The following ZNF451 variants were observed in gnomAD, a reference collection of about 807,000 sequenced individuals.
The protein encoded by ZNF451 is E3 SUMO-protein ligase ZNF451.
Under a neutral mutation model 107.1 loss-of-function variants are expected in ZNF451, and 80 were observed. That is an observed-to-expected ratio of 0.75 (90% CI 0.62 to 0.90). The LOEUF is 0.90. ZNF451 is among the 40% of genes least tolerant of loss of function. The pLI, the probability that ZNF451 is intolerant of heterozygous loss-of-function variation, is 0.00. For synonymous variants in ZNF451, 362 were observed against 406.5 expected (o/e 0.89, Z 1.32); for missense variants, 1,107 against 1,236.2 (o/e 0.90, Z 1.57).
chr6:57,148,042 C>G lies in ZNF451; in HGVS notation c.1957C>G (p.Arg653Gly). Residue 653 changes from arginine (R) to glycine (G), a missense_variant, in exon 10 of 15, where the codon CGA becomes GGA. By Grantham distance (125) the Arg-to-Gly change is moderately radical. Transcript: ENST00000370706. The part of the protein sequence containing the change: ...KPFHKIETLY[R>G]HCQDEHDNEI... ...TTTTCATAAGATAGAAACATTGTACCGACATTGCCAAGATGAGCATGACAA... is the reference window on the plus strand; with the variant it reads ...TTTTCATAAGATAGAAACATTGTACGGACATTGCCAAGATGAGCATGACAA... The G allele has an allele frequency of 1.2e-6, 2 of 1,613,990 alleles. No homozygotes were observed. Among genetic ancestry groups the G allele is most frequent in the Non-Finnish European group, 1.7e-6 (2 of 1,179,970 alleles).
At chr6:57,095,161 T>C (rs1370575397) in intron 2 of ZNF451, among the ~76,000 whole-genome samples, 2 of 152,192 alleles carry the variant, frequency 1.3e-5, no homozygotes, top group Non-Finnish European at 2.9e-5. Context: ...TTGGGGTACA[T>C]GTCTGTCCTT....
chr6:57,147,206 A>C lies in ZNF451; in HGVS notation c.1121A>C (p.Glu374Ala). ...GATTGCAATCAAGTCTTTGTGGATG[A>C]AACCAGCACCCAAAATCATAAGCAG... is the stretch of plus-strand genomic sequence containing the variant. Reference protein sequence around the residue: ...CPDCNQVFVDETSTQNHKQNS... With the variant: ...CPDCNQVFVDATSTQNHKQNS... The change falls in exon 10 of 15, where the codon GAA (glutamate) becomes GCA (alanine). Residue 374 changes from glutamate (E) to alanine (A), a missense_variant. Physicochemically the swap from Glu to Ala is moderately radical, Grantham distance 107 (BLOSUM62 -1). Coordinates refer to ENST00000370706, the MANE Select transcript of ZNF451 (RefSeq NM_001031623.3). 4.3e-6 allele frequency: 7 copies of C among 1,614,118 alleles called. No individual in the cohort carries two copies. Among genetic ancestry groups the C allele is most frequent in the Non-Finnish European group, 5.9e-6 (7 of 1,179,978 alleles).
rs139959225 is a variant in ZNF451, at chr6:57,141,630, G to T, written c.856+175G>T. Among the ~76,000 whole-genome samples the T allele has an allele frequency of 3.2e-3, 482 of 152,164 alleles. 5 individuals are homozygous for T. The highest frequency in any genetic ancestry group is 0.011 in the African/African-American group (447 of 41,516). ...AAAGATTCTTAATATTTATTTGTAC[G>T]TATGAGTAAGGCTTACTAACTTTGA... On this transcript the variant is annotated intron_variant, in intron 8 of 14. Coordinates refer to ENST00000370706, the MANE Select transcript of ZNF451 (RefSeq NM_001031623.3).
Position 57,147,572 on chromosome 6 carries a change from T to C in ZNF451, c.1487T>C (p.Met496Thr), listed in dbSNP as rs886570651. The C allele has an allele frequency of 6.2e-7, 1 of 1,614,102 alleles. No individual in the cohort carries two copies. The highest frequency in any genetic ancestry group is 8.5e-7 in the Non-Finnish European group (1 of 1,179,972). The part of the protein sequence containing the change: ...VEKHVFSANT[M>T]GYKCVVCGKV... ...AAGCATGTTTTCTCAGCAAACACAA[T>C]GGGTTATAAATGTGTGGTCTGTGGA... The change falls in exon 10 of 15, where the codon ATG becomes ACG. Residue 496 changes from methionine to threonine, a missense_variant. Physicochemically the swap from Met to Thr is moderately conservative, Grantham distance 81. Around this residue, in one of 5 missense-constraint regions of ZNF451, gnomAD observed 608 missense variants for 649.2 expected, o/e 0.94. Transcript: ENST00000370706.
In ZNF451 at chr6:57,150,734, A is replaced by C. The variant is rs1832304133; in HGVS notation, c.2624A>C (p.Glu875Ala). Residue 875 changes from glutamate to alanine, a missense_variant, in exon 11 of 15, where the codon GAG becomes GCG. Transcript: ENST00000370706. ...SYQNIEEEIV[E>A]LPDLDYLRTM... ...CTCTTCTCAGAGGAAGAAATTGTTG[A>C]GCTTCCAGATTTGGATTACCTGCGA... is the stretch of plus-strand genomic sequence containing the variant. The C allele has an allele frequency of 6.2e-7, 1 of 1,602,518 alleles. No homozygotes were observed. The highest frequency in any genetic ancestry group is 8.5e-7 in the Non-Finnish European group (1 of 1,175,976).
At chr6:57,156,961 C>T (rs1316209142) in intron 13 of ZNF451, among the ~76,000 whole-genome samples, 2 of 152,188 alleles carry the variant, frequency 1.3e-5, no homozygotes, top group Admixed American at 6.5e-5. Context: ...AATGCTGGCT[C>T]ACCTGCTGCT....
At chr6:57,158,733 G>A (rs1341087992) in intron 13 of ZNF451, 1 of 985,292 alleles carries the variant, frequency 1.0e-6, no homozygotes, top group Admixed American at 6.1e-5. Flanking sequence ...AGAATTACAT[G>A]TAATGAAAAA....
At position 57,134,831 on chromosome 6, in the gene ZNF451, T is replaced by C. The variant is rs1443154281; in HGVS notation, c.663T>C (p.Phe221=). The stretch of plus-strand genomic sequence containing the variant: ...CTTGTGTAGTATGTTATAAAAAATT[T>C]GTTACTCAACAACAATATAGAGATC... ...SFACVVCYKK[F]VTQQQYRDHL... Residue 221 remains phenylalanine, a synonymous_variant, in exon 7 of 15, where the codon TTT becomes TTC. Coordinates refer to ENST00000370706, the MANE Select transcript of ZNF451 (RefSeq NM_001031623.3). 6.2e-7 allele frequency: 1 copy of C among 1,610,990 alleles called. No individual in the cohort carries two copies. The highest frequency in any genetic ancestry group is 8.5e-7 in the Non-Finnish European group (1 of 1,178,306).
chr6:57,101,542 T>G, intron 3 of ZNF451: 1 of 1,550,954 alleles, frequency 6.4e-7, no homozygotes, highest in Non-Finnish European at 8.7e-7. Flanking sequence ...GGTCATGGGT[T>G]GTAGGTTTTA....
chr6:57,150,687 C>T (rs755303149), intron 10 of ZNF451, 32 bp from the exon 11 acceptor site: 13 of 1,558,584 alleles, frequency 8.3e-6, no homozygotes, highest in Admixed American at 6.2e-5. Flanking sequence ...CAAATTCTTA[C>T]TGAACTCATG....
chr6:57,111,689 T>TA (rs1333522295), intron 3 of ZNF451, among the ~76,000 whole-genome samples: 3 of 152,198 alleles, frequency 2.0e-5, no homozygotes, highest in Non-Finnish European at 4.4e-5. Flanking sequence ...CCGTATATTT[T>TA]AAAAATCTCT....
intron 3 of ZNF451, among the ~76,000 whole-genome samples, chr6:57,099,988 A>T (rs1414263165): frequency 6.6e-6 from 1 of 152,228 alleles, no homozygotes; most frequent in African/African-American, 2.4e-5. Context: ...TTTTTAATCA[A>T]ATAATACCTA....
intron 13 of ZNF451, chr6:57,159,413 T>G (rs991132361): frequency 2.0e-6 from 2 of 985,226 alleles, no homozygotes; most frequent in South Asian, 4.7e-5. Flanking sequence ...CTTTTGTTCT[T>G]AATGTTTAGA....
rs368703143 is a variant in ZNF451, at chr6:57,134,730, C to A, written c.576-14C>A. ...ATTTATCTAATATTACCTCTTACCT[C>A]TTTTGCTGAGTAGGTTCGATCACTC... On this transcript the variant is annotated splice_polypyrimidine_tract_variant and intron_variant, in intron 6 of 14. Coordinates refer to ENST00000370706, the MANE Select transcript of ZNF451 (RefSeq NM_001031623.3). 6.2e-5 allele frequency: 99 copies of A among 1,608,250 alleles called. No individual in the cohort carries two copies. In the African/African-American group the frequency reaches 1.2e-3, roughly 19 times the overall value.
At chr6:57,137,649 G>A (rs1345341729) in intron 7 of ZNF451, among the ~76,000 whole-genome samples, 1 of 152,086 alleles carries the variant, frequency 6.6e-6, no homozygotes, top group Non-Finnish European at 1.5e-5. Context: ...TCGATATACT[G>A]TGAGCTCCTT....
chr6:57,102,032 G>C, intron 3 of ZNF451: 1 of 1,548,814 alleles, frequency 6.5e-7, no homozygotes, highest in Non-Finnish European at 8.7e-7. Flanking sequence ...TACAAACCTC[G>C]AAACCACCCC....
At chr6:57,109,315 T>TA (rs398001705) in intron 3 of ZNF451, 13 of 983,552 alleles carry the variant, frequency 1.3e-5, no homozygotes, top group Admixed American at 1.2e-4. Context: ...TTTTTTTTTT[T>TA]AACTGGCATT....
chr6:57,095,185 A>G (rs1423774437), intron 2 of ZNF451, among the ~76,000 whole-genome samples: 1 of 151,802 alleles, frequency 6.6e-6, no homozygotes, highest in Non-Finnish European at 1.5e-5. Context: ...TTTCCACTCA[A>G]TCTCTTTGCC....
chr6:57,109,194 T>A, intron 3 of ZNF451: 1 of 985,436 alleles, frequency 1.0e-6, no homozygotes, highest in Non-Finnish European at 1.2e-6. Context: ...TTCGTAGTCA[T>A]TGGTTTCTGT....
Sources: gnomAD v4.1 joint callset for allele counts (sites outside exome capture counted in the v4.1 genomes callset) on GRCh38, gnomAD v4.1.1 for gene constraint, gnomAD v4.1.1 regional missense constraint, MANE v1.5 for transcripts, NCBI Gene and HGNC (gene_info 2026-07-23, HGNC 2026-07-21) for gene names.